The following SMC5 variants were observed in gnomAD, a reference collection of about 807,000 sequenced individuals.
The protein encoded by SMC5 is structural maintenance of chromosomes 5.
In SMC5, 88 loss-of-function variants were observed where a neutral mutation model predicts 148.3. The ratio of observed to expected loss-of-function variants is 0.59; its 90% CI spans 0.50 to 0.71. SMC5 has a LOEUF of 0.71. Ranked by LOEUF, SMC5 falls within the 30% of genes least tolerant of loss-of-function variation. SMC5 has a pLI of 0.00. For missense variants in SMC5, 1,142 were observed against 1,298.9 expected (o/e 0.88, Z 1.86); for synonymous variants, 421 against 432.8 (o/e 0.97, Z 0.34).
At position 70,321,432 on chromosome 9, in the gene SMC5, A is replaced by T. The variant is rs1463150220; in HGVS notation, c.2151-2051A>T. Among the ~76,000 whole-genome samples the T allele has an allele frequency of 3.0e-5, 4 of 135,558 alleles. No homozygotes were observed. In the Admixed American group the frequency reaches 3.2e-4, roughly 11 times the overall value. 88.9% of individuals were successfully genotyped at this position (135,558 alleles called of 152,430 possible). On this transcript the variant is annotated intron_variant, in intron 15 of 24. Coordinates refer to ENST00000361138, the MANE Select transcript of SMC5 (RefSeq NM_015110.4). ...TTTTGAGACGGGGTCTTGCTCTGTTACCCAGGCTGGAGTGCAGTGGCATGC... is the reference window on the plus strand; with the variant it reads ...TTTTGAGACGGGGTCTTGCTCTGTTTCCCAGGCTGGAGTGCAGTGGCATGC...
At chr9:70,308,692 T>C (rs1047606382) in intron 11 of SMC5, among the ~76,000 whole-genome samples, 3 of 152,076 alleles carry the variant, frequency 2.0e-5, no homozygotes, top group African/African-American at 4.8e-5. Flanking sequence ...CAACATTTTT[T>C]CTTTTTCATT....
At position 70,298,070 on chromosome 9, in the gene SMC5, A is replaced by G; in HGVS notation, c.1158A>G (p.Glu386=). 1 of 1,614,044 alleles carries G rather than the reference A, an allele frequency of 6.2e-7. No homozygotes were observed. The change falls in exon 9 of 25, where the codon GAA becomes GAG. Residue 386 remains glutamate, a synonymous_variant. Transcript: ENST00000361138. The stretch of plus-strand genomic sequence containing the variant: ...AAATGATAGAGGATTTGCAAAATGA[A>G]CTAAAGACCACGGAAAACTGCGAGA... ...TRKMIEDLQN[E]LKTTENCENL...
At chr9:70,297,011 A>G (rs574024330) in intron 8 of SMC5, among the ~76,000 whole-genome samples, 1 of 151,944 alleles carries the variant, frequency 6.6e-6, no homozygotes, top group Admixed American at 6.5e-5. Flanking sequence ...GGAAGAAAAT[A>G]GTTTATTTCT....
chr9:70,265,379 A>G (rs1006921941), intron 2 of SMC5, among the ~76,000 whole-genome samples: 1 of 152,154 alleles, frequency 6.6e-6, no homozygotes, highest in African/African-American at 2.4e-5. Flanking sequence ...GAATTGCTTG[A>G]ATCCAGGAGG....
intron 13 of SMC5, 145 bp downstream of exon 13, chr9:70,315,723 AT>A: frequency 1.7e-6 from 1 of 580,374 alleles, no homozygotes; most frequent in South Asian, 4.2e-5. Context: ...TGTATTAATT[AT>A]TTTCCATATG....
chr9:70,341,970 C>T (rs915847543), intron 17 of SMC5, among the ~76,000 whole-genome samples: 1 of 149,300 alleles, frequency 6.7e-6, no homozygotes, highest in Non-Finnish European at 1.5e-5. Flanking sequence ...TTCACAATAG[C>T]AAAGACTTGG....
chr9:70,259,694 G>A (rs1252070435), intron 1 of SMC5, among the ~76,000 whole-genome samples: 2 of 152,110 alleles, frequency 1.3e-5, no homozygotes, highest in Non-Finnish European at 2.9e-5. Context: ...TTGCCAGAGA[G>A]GAGTAGATAA....
intron 13 of SMC5, among the ~76,000 whole-genome samples, chr9:70,315,889 C>T (rs1051177212): frequency 3.4e-4 from 51 of 152,112 alleles, no homozygotes; most frequent in African/African-American, 1.2e-3. Flanking sequence ...CTTGGTAAAT[C>T]TATGTTCAAA....
chr9:70,340,863 A>G (rs1262974842), intron 17 of SMC5, among the ~76,000 whole-genome samples: 4 of 152,110 alleles, frequency 2.6e-5, no homozygotes, highest in Non-Finnish European at 5.9e-5. Flanking sequence ...CCATAAAAAG[A>G]ATTTTAGAAA....
chr9:70,313,467 T>C (rs546463152), intron 11 of SMC5, among the ~76,000 whole-genome samples: 3 of 152,162 alleles, frequency 2.0e-5, no homozygotes, highest in Non-Finnish European at 2.9e-5. Context: ...ATTTTATTCT[T>C]ATGCTTAGTA....
intron 15 of SMC5, among the ~76,000 whole-genome samples, chr9:70,320,616 C>T (rs1211179712): frequency 6.6e-6 from 1 of 151,982 alleles, no homozygotes; most frequent in African/African-American, 2.4e-5. Context: ...TATGCAAATA[C>T]TACATCATTT....
chr9:70,318,125 G>A (rs1164018477), intron 13 of SMC5, among the ~76,000 whole-genome samples: 8 of 152,108 alleles, frequency 5.3e-5, no homozygotes, highest in African/African-American at 1.4e-4. Context: ...GCTCACATCT[G>A]TAATCCCAGC....
intron 2 of SMC5, 124 bp from the exon 3 acceptor site, chr9:70,267,799 G>A (rs991145326): frequency 1.8e-5 from 13 of 714,610 alleles, no homozygotes; most frequent in African/African-American, 1.8e-5. Context: ...AAAGTGACAG[G>A]AGCGAACATA....
intron 17 of SMC5, among the ~76,000 whole-genome samples, chr9:70,337,743 A>C (rs2036400905): frequency 6.6e-6 from 1 of 152,072 alleles, no homozygotes. Flanking sequence ...GGTGTGAGCC[A>C]CTACACCTGG....
At chr9:70,338,536 G>C (rs2036427118) in intron 17 of SMC5, among the ~76,000 whole-genome samples, 2 of 151,640 alleles carry the variant, frequency 1.3e-5, no homozygotes, top group Non-Finnish European at 1.5e-5. Context: ...AAAAAAAATT[G>C]TGCTGATTTT....
At chr9:70,313,931 T>A (rs2035726855) in intron 11 of SMC5, among the ~76,000 whole-genome samples, 1 of 152,176 alleles carries the variant, frequency 6.6e-6, no homozygotes, top group South Asian at 2.1e-4. Flanking sequence ...AAACTCTGTC[T>A]CTCAAGCAAT....
At chr9:70,290,105 T>C (rs1037659127) in intron 8 of SMC5, among the ~76,000 whole-genome samples, 2 of 152,160 alleles carry the variant, frequency 1.3e-5, no homozygotes, top group African/African-American at 4.8e-5. Flanking sequence ...AAAACACTTC[T>C]GGTGCCAAGC....
intron 5 of SMC5, among the ~76,000 whole-genome samples, chr9:70,279,048 A>G (rs1353666092): frequency 6.6e-6 from 1 of 152,182 alleles, no homozygotes. Context: ...TTTCAGTCAC[A>G]TGAGGGTAGA....
rs766505091 is a variant in SMC5 at position 70,259,275 on chromosome 9, G to T, written c.185+12G>T. Reference sequence around the variant, plus strand: ...ATGGAGAACTTCCTGTAAGTTGCCCGGAGGCCGCGCCGCGGGTGTGGAGGT... The same window carrying T: ...ATGGAGAACTTCCTGTAAGTTGCCCTGAGGCCGCGCCGCGGGTGTGGAGGT... On this transcript the variant is annotated intron_variant, in intron 1 of 24. Transcript: ENST00000361138. The T allele has an allele frequency of 5.1e-6, 8 of 1,561,838 alleles. No homozygotes were observed. The highest frequency in any genetic ancestry group is 6.9e-6 in the Non-Finnish European group (8 of 1,152,126).
Sources: allele counts gnomAD v4.1 joint callset (sites outside exome capture counted in the v4.1 genomes callset), GRCh38; gene constraint gnomAD v4.1.1; transcripts MANE v1.5; gene names NCBI Gene and HGNC (gene_info 2026-07-23, HGNC 2026-07-21).